Variants in WDR37 observed in about 807,000 individuals in gnomAD.
The protein encoded by WDR37 is WD repeat domain 37.
A neutral mutation model predicts 62.9 loss-of-function variants in WDR37; 19 were observed. The observed-to-expected ratio is 0.30, with a 90% CI of 0.21 to 0.44. WDR37 has a LOEUF of 0.44. Ranked by LOEUF, WDR37 falls within the 20% of genes least tolerant of loss-of-function variation. The pLI is 1.00. For synonymous variants in WDR37, 250 were observed against 260.9 expected, an observed-to-expected ratio of 0.96 and a Z score of 0.40; for missense variants, 474 against 657.6, an observed-to-expected ratio of 0.72 and a Z score of 3.05.
chr10:1,087,960 C>A (rs1192048723), intron 7 of WDR37, among the ~76,000 whole-genome samples: 1 of 152,256 alleles, frequency 6.6e-6, no homozygotes, highest in Non-Finnish European at 1.5e-5. Flanking sequence ...TCAGCTGGAT[C>A]TTCTGGAGAA....
chr10:1,110,815 G>A (rs1467180315), intron 11 of WDR37, among the ~76,000 whole-genome samples: 1 of 152,246 alleles, frequency 6.6e-6, no homozygotes, highest in South Asian at 2.1e-4. Context: ...CCTCCGATGG[G>A]TGTCCAGCGT....
Position 1,129,420 on chromosome 10 carries a change from C to G in WDR37, c.*76C>G. ...GGTGCAGGCTTTTCTGCGTATTAATCAGCCATTTTTGTGAGAGTTTGACCC... is the reference window on the plus strand; with the variant it reads ...GGTGCAGGCTTTTCTGCGTATTAATGAGCCATTTTTGTGAGAGTTTGACCC... On this transcript the variant is annotated 3_prime_UTR_variant, in exon 14 of 14. Transcript: ENST00000263150. 1 of 1,581,932 alleles carries G rather than the reference C, an allele frequency of 6.3e-7. No homozygotes were observed. Among genetic ancestry groups the G allele is most frequent in the Non-Finnish European group, 8.6e-7 (1 of 1,159,396 alleles).
intron 2 of WDR37, among the ~76,000 whole-genome samples, chr10:1,073,746 C>T (rs982372212): frequency 2.0e-5 from 3 of 152,164 alleles, no homozygotes; most frequent in African/African-American, 4.8e-5. Flanking sequence ...GTCTGTGGCT[C>T]GCCGACACCA....
chr10:1,086,173 G>A lies in WDR37; in HGVS notation c.533-113G>A, dbSNP rs369319865. ...GAGTAATAGAATCAAAGGTGGAAGAGATATCAGTGGTCGTGTAATTTCCCA... is the reference window on the plus strand; with the variant it reads ...GAGTAATAGAATCAAAGGTGGAAGAAATATCAGTGGTCGTGTAATTTCCCA... On this transcript the variant is annotated intron_variant, in intron 6 of 13. Coordinates refer to ENST00000263150, the MANE Select transcript of WDR37 (RefSeq NM_014023.4). 5.5e-4 allele frequency: 423 copies of A among 769,966 alleles called. No homozygotes were observed. The African/African-American group carries it at 6.5e-3, about 12-fold the overall frequency. 47.7% of individuals were successfully genotyped at this position (769,966 alleles called of 1,614,324 possible). A position where few individuals can be genotyped will look rare whatever the true frequency, so the allele number is the denominator to read the frequency against.
At chr10:1,123,427 C>T (rs1385165225) in intron 11 of WDR37, among the ~76,000 whole-genome samples, 1 of 152,208 alleles carries the variant, frequency 6.6e-6, no homozygotes, top group Non-Finnish European at 1.5e-5. Context: ...GCCCATCCCC[C>T]AGACCCCGAG....
intron 13 of WDR37, among the ~76,000 whole-genome samples, chr10:1,127,574 T>C (rs894497570): frequency 2.6e-5 from 4 of 152,182 alleles, no homozygotes; most frequent in Admixed American, 6.5e-5. Flanking sequence ...AATATTTCCC[T>C]GTAGTGCTGG....
chr10:1,064,715 C>T (rs1264946406), intron 1 of WDR37, among the ~76,000 whole-genome samples: 1 of 150,698 alleles, frequency 6.6e-6, no homozygotes, highest in African/African-American at 2.4e-5. Flanking sequence ...GCCCTAGCCT[C>T]CCAAGTAGCT....
At chr10:1,091,292 C>T (rs574656366) in intron 7 of WDR37, among the ~76,000 whole-genome samples, 153 of 152,102 alleles carry the variant, frequency 1.0e-3, no homozygotes, top group Non-Finnish European at 1.9e-3. Flanking sequence ...AATTTCTCAT[C>T]GAAATTGGAA....
At chr10:1,070,233 A>C (rs923302130) in intron 1 of WDR37, among the ~76,000 whole-genome samples, 1 of 151,590 alleles carries the variant, frequency 6.6e-6, no homozygotes, top group Admixed American at 6.6e-5. Context: ...AAAATTGGGA[A>C]CTTCATAACT....
At chr10:1,120,372 C>A (rs915839711) in intron 11 of WDR37, among the ~76,000 whole-genome samples, 1 of 152,232 alleles carries the variant, frequency 6.6e-6, no homozygotes, top group African/African-American at 2.4e-5. Flanking sequence ...AGCGCCGCCT[C>A]CGAGGGGCAC....
chr10:1,122,441 T>C (rs1835616053), intron 11 of WDR37, among the ~76,000 whole-genome samples: 2 of 152,314 alleles, frequency 1.3e-5, no homozygotes, highest in Admixed American at 6.5e-5. Flanking sequence ...TGCCCCTGCG[T>C]CTCAGGATCT....
intron 7 of WDR37, among the ~76,000 whole-genome samples, chr10:1,087,415 C>T (rs1473098131): frequency 2.0e-5 from 3 of 152,116 alleles, no homozygotes; most frequent in African/African-American, 7.2e-5. Context: ...TCTTCAGAAA[C>T]GTTAAAAAAA....
chr10:1,069,531 G>A (rs1361237196), intron 1 of WDR37, among the ~76,000 whole-genome samples: 1 of 150,870 alleles, frequency 6.6e-6, no homozygotes, highest in Non-Finnish European at 1.5e-5. Context: ...TAAATTGAGT[G>A]GAAAAAAGAA....
At chr10:1,084,900 G>T (rs1211412514) in intron 6 of WDR37, among the ~76,000 whole-genome samples, 2 of 152,250 alleles carry the variant, frequency 1.3e-5, no homozygotes, top group East Asian at 3.8e-4. Flanking sequence ...TCTGAGGAAA[G>T]AAATACTTGT....
At chr10:1,107,054 A>AACGCAGCACTGTGTTGTTGCTGC (rs2131666557) in intron 11 of WDR37, among the ~76,000 whole-genome samples, 1 of 152,358 alleles carries the variant, frequency 6.6e-6, no homozygotes, top group Admixed American at 6.5e-5. Context: ...TCAGTGGCTG[A>AACGCAGCACTGTGTTGTTGCTGC]ACGCAGCACT....
At chr10:1,108,809 G>A (rs1003158469) in intron 11 of WDR37, among the ~76,000 whole-genome samples, 8 of 148,312 alleles carry the variant, frequency 5.4e-5, no homozygotes, top group Admixed American at 4.8e-4. Context: ...GCCCCAGGCT[G>A]GGAAGACCCA....
At chr10:1,125,068 G>A in intron 13 of WDR37, 44 bp downstream of exon 13, 1 of 1,597,380 alleles carries the variant, frequency 6.3e-7, no homozygotes, top group Non-Finnish European at 8.5e-7. Flanking sequence ...CAGTGGAGGA[G>A]GACGGGTAGA....
chr10:1,080,196 T>C, intron 4 of WDR37, 90 bp downstream of exon 4: 1 of 1,477,002 alleles, frequency 6.8e-7, no homozygotes, highest in Non-Finnish European at 9.4e-7. Flanking sequence ...GTTTGCGTTT[T>C]GCTGTCAGCA....
chr10:1,119,640 T>C (rs1356268339), intron 11 of WDR37, among the ~76,000 whole-genome samples: 2 of 152,230 alleles, frequency 1.3e-5, no homozygotes, highest in South Asian at 2.1e-4. Flanking sequence ...TAGGGTGCTG[T>C]TGTGCGCCTA....
Sources: gnomAD v4.1 joint callset for allele counts (sites outside exome capture counted in the v4.1 genomes callset) on GRCh38, gnomAD v4.1.1 for gene constraint, MANE v1.5 for transcripts, NCBI Gene and HGNC (gene_info 2026-07-23, HGNC 2026-07-21) for gene names.